The following TCF12 variants were observed in gnomAD, a reference collection of about 807,000 sequenced individuals.
The protein encoded by TCF12 is transcription factor 12.
TCF12 carries 45 observed loss-of-function variants against 86.0 expected under a neutral mutation model. The observed-to-expected ratio is 0.52, with a 90% CI of 0.41 to 0.67. The LOEUF is 0.67. Among genes scored for constraint, TCF12 ranks in the 30% least tolerant of loss-of-function variants. TCF12 has a pLI of 0.00. For synonymous variants in TCF12, 330 were observed against 299.6 expected, an observed-to-expected ratio of 1.10 and a Z score of -1.05; for missense variants, 881 against 859.9, an observed-to-expected ratio of 1.02 and a Z score of -0.31.
chr15:57,003,003 T>C (rs1567233541), intron 3 of TCF12, among the ~76,000 whole-genome samples: 2 of 152,236 alleles, frequency 1.3e-5, no homozygotes, highest in African/African-American at 4.8e-5. Context: ...ACTACTAGGT[T>C]AACAGCAAAC....
chr15:57,253,154 T>G, intron 15 of TCF12, 108 bp from the exon 16 acceptor site: 1 of 1,210,362 alleles, frequency 8.3e-7, no homozygotes, highest in Non-Finnish European at 1.2e-6. Flanking sequence ...TACTTGATAC[T>G]GCATTTCACT....
intron 8 of TCF12, among the ~76,000 whole-genome samples, chr15:57,212,887 C>T (rs984535296): frequency 4.6e-5 from 7 of 152,142 alleles, no homozygotes; most frequent in African/African-American, 1.7e-4. Context: ...TGCTCTTTCG[C>T]GTTACATGAT....
At chr15:57,023,190 A>G (rs1416974897) in intron 3 of TCF12, among the ~76,000 whole-genome samples, 9 of 152,170 alleles carry the variant, frequency 5.9e-5, no homozygotes, top group Non-Finnish European at 1.0e-4. Flanking sequence ...AACAACATTC[A>G]CTTGTTTCAT....
At chr15:57,232,985 A>G in intron 11 of TCF12, 129 bp downstream of exon 11, 2 of 543,200 alleles carry the variant, frequency 3.7e-6, no homozygotes, top group African/African-American at 2.0e-5. Context: ...TTATATATGT[A>G]TATGTGTGTT....
At chr15:57,063,956 T>C in intron 4 of TCF12, 133 bp downstream of exon 4, 7 of 687,058 alleles carry the variant, frequency 1.0e-5, no homozygotes, top group African/African-American at 1.8e-5. Context: ...ACCTAGTACC[T>C]TTTTGTTACA....
chr15:57,244,182 A>C (rs1429483777), intron 13 of TCF12, among the ~76,000 whole-genome samples: 2 of 152,056 alleles, frequency 1.3e-5, no homozygotes, highest in Non-Finnish European at 2.9e-5. Context: ...CCTACCCCCC[A>C]AAAAATGGTT....
chr15:56,947,083 C>T (rs1567146413), intron 3 of TCF12, among the ~76,000 whole-genome samples: 2 of 152,262 alleles, frequency 1.3e-5, no homozygotes, highest in East Asian at 3.9e-4. Context: ...CAGGCATGCA[C>T]CACTGTGTCC....
intron 3 of TCF12, among the ~76,000 whole-genome samples, chr15:56,949,769 A>G (rs771335329): frequency 3.3e-5 from 5 of 152,186 alleles, no homozygotes; most frequent in Non-Finnish European, 7.3e-5. Context: ...GAACAGATAA[A>G]TACTAATACA....
chr15:57,200,945 T>G (rs2057513636), intron 8 of TCF12, among the ~76,000 whole-genome samples: 1 of 152,218 alleles, frequency 6.6e-6, no homozygotes, highest in Admixed American at 6.5e-5. Context: ...CTTAGATTAG[T>G]CAGCCCTTAG....
chr15:57,066,107 C>T (rs1327137607), intron 4 of TCF12, among the ~76,000 whole-genome samples: 2 of 152,092 alleles, frequency 1.3e-5, no homozygotes, highest in East Asian at 3.9e-4. Context: ...TTCTCCTTGG[C>T]AACTCTTCTT....
intron 8 of TCF12, among the ~76,000 whole-genome samples, chr15:57,216,537 T>G (rs2058337152): frequency 7.1e-6 from 1 of 140,088 alleles, no homozygotes; most frequent in African/African-American, 2.7e-5. Flanking sequence ...GACTGAGTCA[T>G]AGGATTAACC....
chr15:57,109,023 G>C (rs1159324462), intron 5 of TCF12, among the ~76,000 whole-genome samples: 1 of 151,972 alleles, frequency 6.6e-6, no homozygotes, highest in Non-Finnish European at 1.5e-5. Context: ...GTGTTTTTTT[G>C]TTTGTTTGTT....
intron 3 of TCF12, among the ~76,000 whole-genome samples, chr15:56,921,398 A>T (rs923572888): frequency 6.6e-6 from 1 of 151,986 alleles, no homozygotes; most frequent in Non-Finnish European, 1.5e-5. Context: ...ATCCTTTCCT[A>T]TATCCAGATT....
chr15:57,206,482 T>C (rs563278981), intron 8 of TCF12, among the ~76,000 whole-genome samples: 1 of 151,906 alleles, frequency 6.6e-6, no homozygotes, highest in East Asian at 1.9e-4. Flanking sequence ...AAAAGGTAAA[T>C]GTAGTTCCAG....
Position 57,002,645 on chromosome 15 carries a change from A to G in TCF12, c.149-61105A>G, listed in dbSNP as rs1283036351. Among the ~76,000 whole-genome samples, 8 of 152,340 alleles carry G rather than the reference A, an allele frequency of 5.3e-5. No homozygotes were observed. In the South Asian group the frequency reaches 1.7e-3, roughly 32 times the overall value. The stretch of plus-strand genomic sequence containing the variant: ...CACATAGATATATCCCAATTCAAAA[A>G]GAAAACTAAGTGACTTGAGAGAAGT... On this transcript the variant is annotated intron_variant, in intron 3 of 20. Transcript: ENST00000333725.
At chr15:57,022,067 T>C (rs1216136522) in intron 3 of TCF12, among the ~76,000 whole-genome samples, 2 of 152,172 alleles carry the variant, frequency 1.3e-5, no homozygotes, top group Non-Finnish European at 2.9e-5. Context: ...TGTATGTATG[T>C]ATGTATGTAT....
At chr15:56,995,445 A>C (rs2063665541) in intron 3 of TCF12, among the ~76,000 whole-genome samples, 1 of 152,004 alleles carries the variant, frequency 6.6e-6, no homozygotes, top group Middle Eastern at 3.4e-3. Flanking sequence ...ATCAGTGAGC[A>C]TAGGATGTTT....
rs185470879 is a variant in TCF12 at position 57,132,429 on chromosome 15, T to C, written c.326-33973T>C. Among the ~76,000 whole-genome samples, 263 of 152,286 alleles carry C rather than the reference T, an allele frequency of 1.7e-3. 1 individual carries two copies. The highest frequency in any genetic ancestry group is 6.2e-3 in the African/African-American group (256 of 41,562). On this transcript the variant is annotated intron_variant, in intron 5 of 20. Transcript: ENST00000333725. ...TTTTGAGAGAGATCAAATAAACATATTGGCAGCAAAAATTAATCACCCAAG... is the reference window on the plus strand; with the variant it reads ...TTTTGAGAGAGATCAAATAAACATACTGGCAGCAAAAATTAATCACCCAAG...
At chr15:56,948,356 A>T (rs1226998588) in intron 3 of TCF12, among the ~76,000 whole-genome samples, 1 of 152,224 alleles carries the variant, frequency 6.6e-6, no homozygotes, top group Non-Finnish European at 1.5e-5. Context: ...AGCCTGCATA[A>T]GGTTGCTCTG....
Sources: gnomAD v4.1 joint callset for allele counts (sites outside exome capture counted in the v4.1 genomes callset) on GRCh38, gnomAD v4.1.1 for gene constraint, MANE v1.5 for transcripts, NCBI Gene and HGNC (gene_info 2026-07-23, HGNC 2026-07-21) for gene names.